LEF1: variants seen among roughly 807,000 people sequenced by gnomAD.
The protein encoded by LEF1 is lymphoid enhancer-binding factor 1.
Under a neutral mutation model 51.2 loss-of-function variants are expected in LEF1, and 14 were observed. The observed-to-expected ratio is 0.27, with a 90% CI of 0.18 to 0.43. LEF1 has a LOEUF of 0.43. LEF1 is among the 20% of genes least tolerant of loss of function. The probability of loss-of-function intolerance (pLI) is 1.00; values close to 1 mark genes in which losing one functional copy is unlikely to be tolerated. For synonymous variants in LEF1, 185 were observed against 183.2 expected (o/e 1.01, Z -0.08); for missense variants, 386 against 512.0 (o/e 0.75, Z 2.37).
Position 108,048,405 on chromosome 4 carries a change from A to C in LEF1, c.*353T>G. 3.6e-6 allele frequency: 1 copy of C among 276,488 alleles called. No homozygotes were observed. Among genetic ancestry groups the C allele is most frequent in the Middle Eastern group, 5.7e-4 (1 of 1,762 alleles). The allele number at this position is 276,488 out of a possible 1,614,324, so 17.1% of individuals were successfully genotyped here. ...CCGAAAGGTTACAGGTTTGGATGCAAGATGCTCTGGGAAGTGCACGCAGAT... is the reference window on the plus strand; with the variant it reads ...CCGAAAGGTTACAGGTTTGGATGCACGATGCTCTGGGAAGTGCACGCAGAT... On this transcript the variant is annotated 3_prime_UTR_variant, in exon 12 of 12. Transcript: ENST00000265165.
At chr4:108,092,817 C>T (rs1740109580) in intron 3 of LEF1, among the ~76,000 whole-genome samples, 2 of 149,064 alleles carry the variant, frequency 1.3e-5, no homozygotes, top group Admixed American at 1.4e-4. Context: ...GCACCAATGA[C>T]CAACACACAG....
At chr4:108,156,012 A>C (rs927696047) in intron 3 of LEF1, among the ~76,000 whole-genome samples, 3 of 152,228 alleles carry the variant, frequency 2.0e-5, no homozygotes, top group Non-Finnish European at 2.9e-5. Flanking sequence ...ACCTCGTGAT[A>C]CTGAAAAAAA....
chr4:108,050,109 C>G (rs1252771509), intron 11 of LEF1, among the ~76,000 whole-genome samples: 1 of 152,180 alleles, frequency 6.6e-6, no homozygotes, highest in African/African-American at 2.4e-5. Context: ...AAAGCAAAAA[C>G]CAACCAACCA....
intron 9 of LEF1, among the ~76,000 whole-genome samples, chr4:108,068,898 T>C (rs1738264356): frequency 6.6e-6 from 1 of 152,200 alleles, no homozygotes; most frequent in Non-Finnish European, 1.5e-5. Flanking sequence ...ATTTCACTTT[T>C]ATTAAGACTG....
At chr4:108,110,772 G>C (rs1319944887) in intron 3 of LEF1, among the ~76,000 whole-genome samples, 1 of 152,176 alleles carries the variant, frequency 6.6e-6, no homozygotes, top group Non-Finnish European at 1.5e-5. Flanking sequence ...CCACCTTACA[G>C]TTTTGTAGTA....
chr4:108,085,182 G>A (rs1019264275), intron 4 of LEF1, among the ~76,000 whole-genome samples: 5 of 152,134 alleles, frequency 3.3e-5, no homozygotes, highest in South Asian at 2.1e-4. Flanking sequence ...TCTGCCTTCC[G>A]GGTTCAAGCG....
intron 3 of LEF1, among the ~76,000 whole-genome samples, chr4:108,113,995 AGTTT>A (rs1327817099): frequency 1.3e-5 from 2 of 152,362 alleles, no homozygotes; most frequent in Admixed American, 1.3e-4. Context: ...AGCAATCTGG[AGTTT>A]TTTTTAAGGC....
rs538470497 is a variant in LEF1, at chr4:108,132,811, G to C, written c.414+30757C>G. Among the ~76,000 whole-genome samples, 6 of 150,732 alleles carry C rather than the reference G, an allele frequency of 4.0e-5. No individual in the cohort carries two copies. In the South Asian group the frequency reaches 1.3e-3, roughly 32 times the overall value. On this transcript the variant is annotated intron_variant, in intron 3 of 11. Transcript: ENST00000265165. ...AGCCTCCTGAGTAGCTAGAACTATA[G>C]GCATGTACCACAACACCCACCTAAT...
At chr4:108,086,756 T>C (rs1339083422) in intron 4 of LEF1, among the ~76,000 whole-genome samples, 2 of 151,776 alleles carry the variant, frequency 1.3e-5, no homozygotes, top group Non-Finnish European at 2.9e-5. Context: ...AAAAGCGCTT[T>C]CCTTTTGATA....
rs1308504246 is a variant in LEF1 at position 108,092,929 on chromosome 4, A to AC, written c.415-3673_415-3672insG. ...AACAATGAATATGTAAAAAAAAAAAAAAAAAAAAAAAAAAAAAAAAGACAA... is the reference window on the plus strand; with the variant it reads ...AACAATGAATATGTAAAAAAAAAAAACAAAAAAAAAAAAAAAAAAAAGACAA... On this transcript the variant is annotated intron_variant, in intron 3 of 11. Transcript: ENST00000265165. 9.5e-3 allele frequency among the ~76,000 whole-genome samples: 1,337 copies of AC among 140,872 alleles called. 41 individuals are homozygous for AC. The highest frequency in any genetic ancestry group is 0.021 in the Middle Eastern group (6 of 280). 92.4% of individuals were successfully genotyped at this position (140,872 alleles called of 152,430 possible).
intron 3 of LEF1, among the ~76,000 whole-genome samples, chr4:108,099,606 ATATAT>A (rs1740668484): frequency 8.0e-6 from 1 of 124,780 alleles, no homozygotes; most frequent in African/African-American, 2.9e-5. Flanking sequence ...ATATATATAT[ATATAT>A]ATATATAAAT....
Position 108,073,776 on chromosome 4 carries a change from A to C in LEF1, c.1009-3006T>G, listed in dbSNP as rs1026321039. On this transcript the variant is annotated intron_variant, in intron 8 of 11. Coordinates refer to ENST00000265165, the MANE Select transcript of LEF1 (RefSeq NM_016269.5). ...AAGGCAAGGAGGCAAAGTAGGCATA[A>C]ACTAAACTATTTATTTACATGTTCC... 4.6e-5 allele frequency among the ~76,000 whole-genome samples: 7 copies of C among 152,208 alleles called. No homozygotes were observed. In the East Asian group the frequency reaches 1.4e-3, roughly 30 times the overall value.
intron 3 of LEF1, 34 bp downstream of exon 3, chr4:108,163,534 T>C: frequency 6.2e-7 from 1 of 1,603,216 alleles, no homozygotes; most frequent in Non-Finnish European, 8.5e-7. Flanking sequence ...TTTGCACTTC[T>C]GAACATAATT....
At chr4:108,154,370 T>A (rs1744550609) in intron 3 of LEF1, among the ~76,000 whole-genome samples, 1 of 146,928 alleles carries the variant, frequency 6.8e-6, no homozygotes, top group Non-Finnish European at 1.5e-5. Context: ...TCACCCCAGT[T>A]TTCACATTAG....
chr4:108,093,981 G>A (rs577118566), intron 3 of LEF1, among the ~76,000 whole-genome samples: 3 of 152,300 alleles, frequency 2.0e-5, no homozygotes, highest in African/African-American at 7.2e-5. Flanking sequence ...CCCTTTTACA[G>A]ATGAGGAAAC....
chr4:108,150,571 G>A (rs1169809133), intron 3 of LEF1, among the ~76,000 whole-genome samples: 1 of 152,110 alleles, frequency 6.6e-6, no homozygotes, highest in Non-Finnish European at 1.5e-5. Flanking sequence ...AAGTATAACA[G>A]ATACCTTTAA....
intron 3 of LEF1, among the ~76,000 whole-genome samples, chr4:108,156,239 G>T (rs1744689927): frequency 6.6e-6 from 1 of 152,090 alleles, no homozygotes; most frequent in Admixed American, 6.5e-5. Flanking sequence ...TCATATGAGG[G>T]TCTAGTCCAT....
rs1266047819 is a variant in LEF1, at chr4:108,048,772, A to G, written c.*7-21T>C. ...TCCACCTCAAGAAGGAACAAATGAA[A>G]TGCTATTAATATGAATTTGCCGTAG... is the stretch of plus-strand genomic sequence containing the variant. On this transcript the variant is annotated intron_variant, in intron 11 of 11. Transcript: ENST00000265165. 4 of 1,575,708 alleles carry G rather than the reference A, an allele frequency of 2.5e-6. No individual in the cohort carries two copies. The Admixed American group carries it at 5.3e-5, about 21-fold the overall frequency.
chr4:108,099,528 ATATATATGTG>A lies in LEF1; in HGVS notation c.415-10281_415-10272del, dbSNP rs1283437453. On this transcript the variant is annotated intron_variant, in intron 3 of 11. Coordinates refer to ENST00000265165, the MANE Select transcript of LEF1 (RefSeq NM_016269.5). ...TATATATATGTGTATGTATATATAT[ATATATATGTG>A]TATATGTGTGTGTGTGTATGTGTGT... is the stretch of plus-strand genomic sequence containing the variant. 3.0e-5 allele frequency among the ~76,000 whole-genome samples: 4 copies of A among 131,596 alleles called. No individual in the cohort carries two copies. The East Asian group carries it at 6.7e-4, about 22-fold the overall frequency. 86.3% of individuals were successfully genotyped at this position (131,596 alleles called of 152,430 possible).
Sources: gnomAD v4.1 joint callset for allele counts (sites outside exome capture counted in the v4.1 genomes callset) on GRCh38, gnomAD v4.1.1 for gene constraint, MANE v1.5 for transcripts, NCBI Gene and HGNC (gene_info 2026-07-23, HGNC 2026-07-21) for gene names.